DOCK1: variants seen among roughly 807,000 people sequenced by gnomAD.
DOCK1 encodes the protein dedicator of cytokinesis protein 1.
DOCK1 carries 138 observed loss-of-function variants against 262.7 expected under a neutral mutation model. The ratio of observed to expected loss-of-function variants is 0.53; its 90% confidence interval spans 0.46 to 0.61. The LOEUF (loss-of-function observed/expected upper bound fraction) is 0.61, where lower values mean the gene tolerates loss of function less well. Among genes scored for constraint, DOCK1 ranks in the 20% least tolerant of loss-of-function variants. DOCK1 has a pLI of 0.00. For synonymous variants in DOCK1, 866 were observed against 867.4 expected (o/e 1.00, Z 0.03); for missense variants, 1,908 against 2,370.7 (o/e 0.80, Z 4.05).
Position 126,915,558 on chromosome 10 carries a change from A to G in DOCK1, c.46+9995A>G, listed in dbSNP as rs187620905. Reference sequence around the variant, plus strand: ...CTCAGCCTCCCAAGTAGCTGGGATTACAGGTGTGCACCACCGCATCTGGTA... The same window carrying G: ...CTCAGCCTCCCAAGTAGCTGGGATTGCAGGTGTGCACCACCGCATCTGGTA... On this transcript the variant is annotated intron_variant, in intron 1 of 51. Coordinates refer to ENST00000623213, the MANE Select transcript of DOCK1 (RefSeq NM_001290223.2). Among the ~76,000 whole-genome samples, 149 of 152,186 alleles carry G rather than the reference A, an allele frequency of 9.8e-4. 1 individual carries two copies. The highest frequency in any genetic ancestry group is 3.4e-3 in the African/African-American group (142 of 41,508).
chr10:127,280,297 G>A (rs1261620095), intron 29 of DOCK1, among the ~76,000 whole-genome samples: 2 of 151,958 alleles, frequency 1.3e-5, no homozygotes, highest in Non-Finnish European at 2.9e-5. Flanking sequence ...GCCTCCCAAA[G>A]TGCTGGGATT....
At chr10:127,203,418 T>C (rs1047200272) in intron 27 of DOCK1, among the ~76,000 whole-genome samples, 1 of 152,228 alleles carries the variant, frequency 6.6e-6, no homozygotes, top group African/African-American at 2.4e-5. Flanking sequence ...TAAATTATTT[T>C]GCTAGTTTGG....
intron 22 of DOCK1, among the ~76,000 whole-genome samples, chr10:127,053,930 A>G (rs889397194): frequency 1.2e-4 from 19 of 152,230 alleles, no homozygotes; most frequent in African/African-American, 4.1e-4. Flanking sequence ...AGTGATGTCA[A>G]TGGATGTTGG....
At chr10:127,208,604 A>G (rs2057827553) in intron 27 of DOCK1, among the ~76,000 whole-genome samples, 1 of 152,146 alleles carries the variant, frequency 6.6e-6, no homozygotes, top group Non-Finnish European at 1.5e-5. Context: ...ATCCTTTTGA[A>G]TATTATATTT....
At chr10:126,951,155 GTAT>G (rs1426471312) in intron 1 of DOCK1, among the ~76,000 whole-genome samples, 1 of 151,860 alleles carries the variant, frequency 6.6e-6, no homozygotes, top group Non-Finnish European at 1.5e-5. Context: ...GTTGGTGGTA[GTAT>G]TACTGGTAGT....
At chr10:127,441,079 TTTTAA>T (rs1449453426) in intron 49 of DOCK1, among the ~76,000 whole-genome samples, 3 of 152,248 alleles carry the variant, frequency 2.0e-5, no homozygotes, top group African/African-American at 7.2e-5. Flanking sequence ...CTTTCATACA[TTTTAA>T]TTTAAGCTCC....
chr10:126,949,594 G>C (rs977033464), intron 1 of DOCK1, among the ~76,000 whole-genome samples: 2 of 152,258 alleles, frequency 1.3e-5, no homozygotes, highest in South Asian at 4.2e-4. Flanking sequence ...TCTCTGTGAT[G>C]AGAGCATCGG....
chr10:127,067,408 C>T (rs1385522416), intron 23 of DOCK1, among the ~76,000 whole-genome samples: 1 of 152,154 alleles, frequency 6.6e-6, no homozygotes, highest in African/African-American at 2.4e-5. Flanking sequence ...TCTGTTCCAT[C>T]TGGGGCTGAG....
intron 29 of DOCK1, among the ~76,000 whole-genome samples, chr10:127,280,202 T>G (rs1416299574): frequency 1.3e-5 from 2 of 151,128 alleles, no homozygotes; most frequent in African/African-American, 4.9e-5. Context: ...ACCCGGCTAA[T>G]TTTTTGTATT....
At chr10:127,220,564 G>A (rs1158059985) in intron 27 of DOCK1, among the ~76,000 whole-genome samples, 1 of 152,038 alleles carries the variant, frequency 6.6e-6, no homozygotes, top group Non-Finnish European at 1.5e-5. Flanking sequence ...TGAGTGTCCT[G>A]GATTTTGTCT....
intron 2 of DOCK1, among the ~76,000 whole-genome samples, chr10:126,975,677 T>C (rs1369734563): frequency 6.6e-6 from 1 of 151,306 alleles, no homozygotes; most frequent in Non-Finnish European, 1.5e-5. Context: ...CAGGCTGGAG[T>C]GCAGTGGCAT....
At chr10:127,205,793 G>A (rs989160406) in intron 27 of DOCK1, among the ~76,000 whole-genome samples, 8 of 152,204 alleles carry the variant, frequency 5.3e-5, no homozygotes, top group Non-Finnish European at 7.3e-5. Context: ...AAGCAGAAAT[G>A]TCTATATACC....
chr10:127,285,031 T>C (rs893346264), intron 29 of DOCK1, among the ~76,000 whole-genome samples: 4 of 151,724 alleles, frequency 2.6e-5, no homozygotes, highest in African/African-American at 9.7e-5. Flanking sequence ...CCAGCTACTC[T>C]GGAGGGTGAG....
chr10:126,973,692 G>T (rs2038287106), intron 2 of DOCK1, among the ~76,000 whole-genome samples: 1 of 152,120 alleles, frequency 6.6e-6, no homozygotes, highest in African/African-American at 2.4e-5. Flanking sequence ...TAATAGTTTT[G>T]ACTTTGGGGA....
At chr10:127,279,737 G>T (rs2060874857) in intron 29 of DOCK1, among the ~76,000 whole-genome samples, 1 of 152,152 alleles carries the variant, frequency 6.6e-6, no homozygotes, top group African/African-American at 2.4e-5. Flanking sequence ...TGCCTGGGCT[G>T]CAGCTCTGTT....
intron 1 of DOCK1, among the ~76,000 whole-genome samples, chr10:126,941,792 C>G (rs1464583155): frequency 1.4e-5 from 2 of 145,096 alleles, no homozygotes; most frequent in East Asian, 4.1e-4. Flanking sequence ...ACAAAAAAAA[C>G]AGCATTTGTG....
chr10:127,254,016 G>A (rs1233342904), intron 28 of DOCK1, among the ~76,000 whole-genome samples: 2 of 152,086 alleles, frequency 1.3e-5, no homozygotes, highest in African/African-American at 2.4e-5. Flanking sequence ...GTGAGAGACA[G>A]GGATGCACCT....
At chr10:127,046,339 G>T (rs2044345053) in intron 21 of DOCK1, among the ~76,000 whole-genome samples, 1 of 152,156 alleles carries the variant, frequency 6.6e-6, no homozygotes, top group Non-Finnish European at 1.5e-5. Flanking sequence ...AGGAGGATCT[G>T]CAGACTTCGC....
intron 27 of DOCK1, among the ~76,000 whole-genome samples, chr10:127,225,577 A>G (rs921708942): frequency 2.0e-5 from 3 of 152,246 alleles, no homozygotes; most frequent in African/African-American, 7.2e-5. Context: ...CTAATTAACT[A>G]CACACCAGAC....
Sources: allele counts gnomAD v4.1 joint callset (sites outside exome capture counted in the v4.1 genomes callset), GRCh38; gene constraint gnomAD v4.1.1; transcripts MANE v1.5; gene names NCBI Gene and HGNC (gene_info 2026-07-23, HGNC 2026-07-21).